Variants in RBFOX1 observed in about 807,000 individuals in gnomAD.
RBFOX1 encodes RNA binding protein fox-1 homolog 1.
Under a neutral mutation model 57.7 loss-of-function variants are expected in RBFOX1, and 8 were observed. The ratio of observed to expected loss-of-function variants is 0.14; its 90% CI spans 0.08 to 0.25. The LOEUF is 0.25. RBFOX1 is among the 10% of genes least tolerant of loss of function. The pLI, the probability that RBFOX1 is intolerant of heterozygous loss-of-function variation, is 1.00. For synonymous variants in RBFOX1, 326 were observed against 222.4 expected, an observed-to-expected ratio of 1.47 and a Z score of -4.15; for missense variants, 611 against 548.5, an observed-to-expected ratio of 1.11 and a Z score of -1.14.
chr16:5,708,121 T>G (rs78870842), intron 3 of RBFOX1, among the ~76,000 whole-genome samples: 4,131 of 152,210 alleles, frequency 0.027, 179 homozygotes, highest in African/African-American at 0.09. Context: ...AACCTCTTAT[T>G]TTCTGAAAAC....
intron 2 of RBFOX1, among the ~76,000 whole-genome samples, chr16:5,544,425 G>A (rs921689299): frequency 1.3e-4 from 20 of 152,224 alleles, no homozygotes; most frequent in African/African-American, 4.8e-4. Context: ...CTGTTAGAAA[G>A]GGAAATGTAT....
intron 4 of RBFOX1, among the ~76,000 whole-genome samples, chr16:7,261,992 T>G (rs933673062): frequency 1.3e-5 from 2 of 152,230 alleles, no homozygotes; most frequent in African/African-American, 4.8e-5. Context: ...CTTTTTGTCT[T>G]TTCCTGATTA....
intron 4 of RBFOX1, among the ~76,000 whole-genome samples, chr16:7,444,498 C>G (rs940712507): frequency 6.6e-6 from 1 of 152,074 alleles, no homozygotes. Context: ...TAAAGATGTT[C>G]TGCAAAAATT....
At chr16:5,361,958 A>G (rs2065563717) in intron 1 of RBFOX1, among the ~76,000 whole-genome samples, 1 of 152,260 alleles carries the variant, frequency 6.6e-6, no homozygotes, top group Non-Finnish European at 1.5e-5. Flanking sequence ...ATAGCATTTC[A>G]TTAACAGAGC....
intron 4 of RBFOX1, among the ~76,000 whole-genome samples, chr16:7,336,957 G>A (rs931663243): frequency 5.9e-5 from 9 of 152,114 alleles, no homozygotes; most frequent in African/African-American, 2.2e-4. Flanking sequence ...TTGATTTTCA[G>A]GGTGTTGTCC....
chr16:6,636,275 A>G (rs1419970835), intron 2 of RBFOX1, among the ~76,000 whole-genome samples: 3 of 152,046 alleles, frequency 2.0e-5, no homozygotes, highest in African/African-American at 4.8e-5. Context: ...GGTTCATGCC[A>G]TTCTCCTGCC....
intron 3 of RBFOX1, among the ~76,000 whole-genome samples, chr16:6,938,821 AC>A (rs1010669586): frequency 1.3e-5 from 2 of 152,096 alleles, no homozygotes; most frequent in African/African-American, 2.4e-5. Context: ...AATCCCAGCT[AC>A]TCGGTAGGCT....
intron 4 of RBFOX1, among the ~76,000 whole-genome samples, chr16:7,174,499 G>T (rs1314269360): frequency 6.6e-6 from 1 of 152,188 alleles, no homozygotes; most frequent in African/African-American, 2.4e-5. Flanking sequence ...CCACTAAACT[G>T]GCTGGGCGCA....
chr16:7,233,657 C>T (rs551034477), intron 4 of RBFOX1, among the ~76,000 whole-genome samples: 1 of 152,192 alleles, frequency 6.6e-6, no homozygotes, highest in East Asian at 1.9e-4. Flanking sequence ...GCTGCCCTTT[C>T]AACAAGAAAT....
At chr16:5,424,857 C>G (rs1304106530) in intron 1 of RBFOX1, among the ~76,000 whole-genome samples, 1 of 147,684 alleles carries the variant, frequency 6.8e-6, no homozygotes, top group Non-Finnish European at 1.5e-5. Context: ...TTCTCTCTCT[C>G]TCTTCTTTCT....
chr16:6,500,896 T>TTGTTTGTTTG (rs1555507186), intron 2 of RBFOX1, among the ~76,000 whole-genome samples: 1 of 142,332 alleles, frequency 7.0e-6, no homozygotes, highest in Non-Finnish European at 1.5e-5. Flanking sequence ...TTTTTTTTTT[T>TTGTTTGTTTG]TTTTTAATGC....
intron 11 of RBFOX1, among the ~76,000 whole-genome samples, chr16:7,651,228 A>G (rs917570976): frequency 2.0e-5 from 3 of 152,182 alleles, no homozygotes; most frequent in Admixed American, 1.3e-4. Flanking sequence ...GAACACACAG[A>G]ATTCCAGATA....
chr16:6,145,412 A>G (rs1213718004), intron 1 of RBFOX1, among the ~76,000 whole-genome samples: 1 of 152,068 alleles, frequency 6.6e-6, no homozygotes, highest in East Asian at 1.9e-4. Flanking sequence ...TATATGTACC[A>G]TATTTTCTTT....
intron 4 of RBFOX1, among the ~76,000 whole-genome samples, chr16:5,985,490 C>T (rs892172645): frequency 6.6e-6 from 1 of 152,228 alleles, no homozygotes; most frequent in South Asian, 2.1e-4. Flanking sequence ...CCCAAAGCCA[C>T]AGAAGCTGGT....
intron 3 of RBFOX1, among the ~76,000 whole-genome samples, chr16:5,692,040 G>C (rs1051234646): frequency 1.3e-5 from 2 of 151,558 alleles, no homozygotes; most frequent in African/African-American, 4.9e-5. Context: ...TTGCCATTCT[G>C]TGTACATCCC....
intron 1 of RBFOX1, among the ~76,000 whole-genome samples, chr16:6,208,880 G>C (rs759017502): frequency 1.3e-5 from 2 of 152,082 alleles, no homozygotes; most frequent in Non-Finnish European, 2.9e-5. Flanking sequence ...ACTTCCTAGA[G>C]TGTTCCCCCT....
intron 4 of RBFOX1, among the ~76,000 whole-genome samples, chr16:7,295,106 G>A (rs982145673): frequency 1.3e-5 from 2 of 152,286 alleles, no homozygotes; most frequent in African/African-American, 4.8e-5. Flanking sequence ...ACCTGATGTT[G>A]TGTGAGATAC....
intron 4 of RBFOX1, among the ~76,000 whole-genome samples, chr16:7,451,797 C>G (rs546288290): frequency 6.6e-6 from 1 of 151,592 alleles, no homozygotes; most frequent in South Asian, 2.1e-4. Flanking sequence ...TCAGCTGAGA[C>G]CACTGGCCAG....
chr16:6,989,626 G>A (rs898887688), intron 3 of RBFOX1, among the ~76,000 whole-genome samples: 9 of 152,170 alleles, frequency 5.9e-5, no homozygotes, highest in African/African-American at 1.9e-4. Context: ...AGTTATCTCT[G>A]CAGACTGTCT....
Sources: allele counts gnomAD v4.1 joint callset (sites outside exome capture counted in the v4.1 genomes callset), GRCh38; gene constraint gnomAD v4.1.1; transcripts MANE v1.5; gene names NCBI Gene and HGNC (gene_info 2026-07-23, HGNC 2026-07-21).